Variants in TMEM266 observed in about 807,000 individuals in gnomAD.
The protein encoded by TMEM266 is Hv1 related protein 1.
TMEM266 carries 33 observed loss-of-function variants against 50.5 expected under a neutral mutation model. That is an observed-to-expected ratio of 0.65 (90% CI 0.50 to 0.87). The LOEUF is 0.87. Among genes scored for constraint, TMEM266 ranks in the 40% least tolerant of loss-of-function variants. TMEM266 has a pLI of 0.00. For missense variants in TMEM266, 655 were observed against 695.1 expected, an observed-to-expected ratio of 0.94 and a Z score of 0.65; for synonymous variants, 310 against 292.3, an observed-to-expected ratio of 1.06 and a Z score of -0.62.
intron 4 of TMEM266, among the ~76,000 whole-genome samples, chr15:76,159,228 C>T (rs1444448053): frequency 6.6e-6 from 1 of 152,240 alleles, no homozygotes; most frequent in East Asian, 1.9e-4. Flanking sequence ...TCCATCAGAG[C>T]TCACCTGACC....
intron 1 of TMEM266, among the ~76,000 whole-genome samples, chr15:76,127,274 A>G (rs1300645632): frequency 6.6e-6 from 1 of 151,964 alleles, no homozygotes; most frequent in Non-Finnish European, 1.5e-5. Context: ...CGGGGGAAAA[A>G]AGAGCTTGGG....
chr15:76,075,911 C>G lies in TMEM266; in HGVS notation c.-97+15895C>G. Reference sequence around the variant, plus strand: ...TTTTTTTGTGTCCCGGGCTGGAGTGCAGTGGCACAATCATGGGTCGCTGCT... The same window carrying G: ...TTTTTTTGTGTCCCGGGCTGGAGTGGAGTGGCACAATCATGGGTCGCTGCT... On this transcript the variant is annotated intron_variant, in intron 1 of 10. Coordinates refer to ENST00000388942, the MANE Select transcript of TMEM266 (RefSeq NM_152335.3). Among the ~76,000 whole-genome samples, 2 of 116,170 alleles carry G rather than the reference C, an allele frequency of 1.7e-5. 1 individual carries two copies. Among genetic ancestry groups the G allele is most frequent in the Non-Finnish European group, 3.2e-5 (2 of 61,642 alleles). 76.2% of individuals were successfully genotyped at this position (116,170 alleles called of 152,430 possible).
At chr15:76,177,603 A>G (rs143631401) in intron 8 of TMEM266, among the ~76,000 whole-genome samples, 306 of 152,302 alleles carry the variant, frequency 2.0e-3, no homozygotes, top group African/African-American at 7.1e-3. Context: ...AGGGGTCATC[A>G]GGGGACATGG....
At position 76,198,087 on chromosome 15, in the gene TMEM266, C is replaced by T. The variant is rs191912112; in HGVS notation, c.959-4115C>T. Among the ~76,000 whole-genome samples, 96 of 152,304 alleles carry T rather than the reference C, an allele frequency of 6.3e-4. 1 individual carries two copies. Among genetic ancestry groups the T allele is most frequent in the Non-Finnish European group, 4.9e-4 (33 of 68,030 alleles). ...AGGGGTTCAGGGAGGCAAGGGATGG[C>T]CCTGGGCTAAACATTCATGATCTCA... On this transcript the variant is annotated intron_variant, in intron 9 of 10. Coordinates refer to ENST00000388942, the MANE Select transcript of TMEM266 (RefSeq NM_152335.3).
At chr15:76,070,804 G>A (rs942534577) in intron 1 of TMEM266, among the ~76,000 whole-genome samples, 1 of 152,178 alleles carries the variant, frequency 6.6e-6, no homozygotes, top group African/African-American at 2.4e-5. Context: ...TGGGGAAGAG[G>A]GGACCTTGCC....
intron 8 of TMEM266, among the ~76,000 whole-genome samples, chr15:76,180,607 C>CTTT (rs59287886): frequency 0.29 from 18,010 of 63,010 alleles, 2,439 homozygotes; most frequent in East Asian, 0.46. Flanking sequence ...TCATCTTAAG[C>CTTT]TTTTTTTTTT....
At chr15:76,186,573 C>T (rs1170254864) in intron 8 of TMEM266, among the ~76,000 whole-genome samples, 1 of 152,232 alleles carries the variant, frequency 6.6e-6, no homozygotes, top group Non-Finnish European at 1.5e-5. Flanking sequence ...CACCGCCATT[C>T]CAGTCCATGC....
At chr15:76,140,408 C>T (rs1168471742) in intron 3 of TMEM266, among the ~76,000 whole-genome samples, 2 of 152,168 alleles carry the variant, frequency 1.3e-5, no homozygotes, top group African/African-American at 2.4e-5. Context: ...CTTTCTGGGG[C>T]AATGGAAAAC....
At chr15:76,155,709 A>G (rs1007641159) in intron 3 of TMEM266, among the ~76,000 whole-genome samples, 7 of 152,166 alleles carry the variant, frequency 4.6e-5, no homozygotes, top group Admixed American at 2.6e-4. Flanking sequence ...CCCAAAACGT[A>G]CCCAACCATG....
At chr15:76,176,731 G>A (rs1231804428) in intron 8 of TMEM266, among the ~76,000 whole-genome samples, 1 of 152,186 alleles carries the variant, frequency 6.6e-6, no homozygotes. Flanking sequence ...ATATTGATGT[G>A]GGCACTGAGC....
chr15:76,201,338 A>T (rs1268527318), intron 9 of TMEM266, among the ~76,000 whole-genome samples: 3 of 152,074 alleles, frequency 2.0e-5, no homozygotes, highest in Non-Finnish European at 1.5e-5. Flanking sequence ...CCACTCTGAA[A>T]ATCTCAACTC....
At chr15:76,175,722 C>G in intron 8 of TMEM266, 48 bp downstream of exon 8, 1 of 1,454,316 alleles carries the variant, frequency 6.9e-7, no homozygotes, top group African/African-American at 1.4e-5. Context: ...GCTGGGGACA[C>G]TGGTAGTGCC....
At chr15:76,198,934 G>GACTCACACCT (rs1555453575) in intron 9 of TMEM266, among the ~76,000 whole-genome samples, 1 of 152,232 alleles carries the variant, frequency 6.6e-6, no homozygotes, top group African/African-American at 2.4e-5. Flanking sequence ...AGCAGAGGGA[G>GACTCACACCT]TAGGGACAGG....
chr15:76,164,448 T>G (rs2038063015), intron 5 of TMEM266, among the ~76,000 whole-genome samples: 1 of 152,146 alleles, frequency 6.6e-6, no homozygotes, highest in Non-Finnish European at 1.5e-5. Context: ...GCTCAAGTGA[T>G]CCTCCCTACT....
chr15:76,181,864 C>A (rs911871819), intron 8 of TMEM266, among the ~76,000 whole-genome samples: 2 of 152,196 alleles, frequency 1.3e-5, no homozygotes, highest in Admixed American at 6.5e-5. Context: ...ATTCTGAAGT[C>A]TCCGTTACAC....
intron 9 of TMEM266, among the ~76,000 whole-genome samples, chr15:76,197,495 A>AAAT (rs1203095494): frequency 2.0e-5 from 3 of 152,234 alleles, no homozygotes; most frequent in African/African-American, 7.2e-5. Context: ...AGGGACCTAG[A>AAAT]AATTATGTAG....
chr15:76,150,076 G>C (rs1301858748), intron 3 of TMEM266, among the ~76,000 whole-genome samples: 1 of 152,172 alleles, frequency 6.6e-6, no homozygotes, highest in Non-Finnish European at 1.5e-5. Flanking sequence ...ACCCAATCCT[G>C]GGGCTTTAAC....
chr15:76,185,732 CCTT>C (rs2038482507), intron 8 of TMEM266, among the ~76,000 whole-genome samples: 1 of 152,168 alleles, frequency 6.6e-6, no homozygotes, highest in Non-Finnish European at 1.5e-5. Flanking sequence ...ATTCTGTTAT[CCTT>C]CTCTGAAGAG....
At chr15:76,115,623 C>T (rs2037235472) in intron 1 of TMEM266, among the ~76,000 whole-genome samples, 2 of 152,334 alleles carry the variant, frequency 1.3e-5, no homozygotes, top group South Asian at 4.1e-4. Flanking sequence ...TCAGTTCTCA[C>T]TTTTGGCACT....
Sources: allele counts gnomAD v4.1 joint callset (sites outside exome capture counted in the v4.1 genomes callset), GRCh38; gene constraint gnomAD v4.1.1; transcripts MANE v1.5; gene names NCBI Gene and HGNC (gene_info 2026-07-23, HGNC 2026-07-21).